Variants in HLA-DQB1 observed in about 807,000 individuals in gnomAD.
HLA-DQB1 encodes major histocompatibility complex, class II, DQ beta 1, also known as HLA class II histocompatibility antigen, DQ beta 1 chain.
A neutral mutation model predicts 26.4 loss-of-function variants in HLA-DQB1; 13 were observed. The ratio of observed to expected loss-of-function variants is 0.49; its 90% CI spans 0.32 to 0.78. The LOEUF is 0.78. Among genes scored for constraint, HLA-DQB1 ranks in the 30% least tolerant of loss-of-function variants. The pLI is 0.03. For missense variants in HLA-DQB1, 158 were observed against 326.2 expected (o/e 0.48, Z 3.97); for synonymous variants, 60 against 129.1 (o/e 0.46, Z 3.63).
intron 1 of HLA-DQB1, 29 bp downstream of exon 1, chr6:32,666,470 G>T (rs281860871): frequency 1.2e-6 from 1 of 814,682 alleles, no homozygotes; most frequent in Non-Finnish European, 2.0e-6. Context: ...CAGAGTGGCG[G>T]CTCTGGAGAG....
chr6:32,660,863 TG>T, intron 4 of HLA-DQB1: 1 of 1,512,206 alleles, frequency 6.6e-7, no homozygotes, highest in Non-Finnish European at 8.9e-7. Flanking sequence ...TATTACCTGC[TG>T]GTGGAGGCCC....
At position 32,660,772 on chromosome 6, in the gene HLA-DQB1, T is replaced by C. The variant is rs760653904; in HGVS notation, c.773-523A>G. The C allele has an allele frequency of 2.6e-5, 14 of 534,304 alleles. 3 individuals are homozygous for C. The highest frequency in any genetic ancestry group is 4.3e-5 in the Non-Finnish European group (14 of 323,910). 33.1% of individuals were successfully genotyped at this position (534,304 alleles called of 1,614,324 possible). ...CATAGCAGCAAATAGGCCATGAACA[T>C]GGACCACTGTGGTCAGGTACACTCA... On this transcript the variant is annotated intron_variant, in intron 4 of 4. Coordinates refer to ENST00000434651, the Ensembl canonical transcript of HLA-DQB1.
At position 32,664,855 on chromosome 6, in the gene HLA-DQB1, C is replaced by T. The variant is rs281862105; in HGVS notation, c.322G>A (p.Asp108Asn). Residue 108 changes from aspartate (D) to asparagine (N), a missense_variant, in exon 2 of 5, where the codon GAC becomes AAC. Asp to Asn is a conservative substitution (Grantham distance 23, BLOSUM62 1). Transcript: ENST00000434651. Reference sequence around the variant, plus strand: ...TCGTAGTTGTGTCTGCACACCGTGTCCAACTCCGCCCGGGTCCCCTCCAGG... The same window carrying T: ...TCGTAGTTGTGTCTGCACACCGTGTTCAACTCCGCCCGGGTCCCCTCCAGG... 3.5e-6 allele frequency: 4 copies of T among 1,140,710 alleles called. 1 individual carries two copies. Among genetic ancestry groups the T allele is most frequent in the Non-Finnish European group, 5.1e-6 (4 of 781,090 alleles). The allele number at this position is 1,140,710 out of a possible 1,614,324, so 70.7% of individuals were successfully genotyped here. A position where few individuals can be genotyped will look rare whatever the true frequency, so the allele number is the denominator to read the frequency against.
chr6:32,666,431 CA>C (rs200030215), intron 1 of HLA-DQB1, 67 bp downstream of exon 1: 109,421 of 570,846 alleles, frequency 0.19, 16,373 homozygotes, highest in East Asian at 0.47. Context: ...CACCATCCCC[CA>C]TACCCCAGCC....
Sources: gnomAD v4.1 joint callset for allele counts on GRCh38, gnomAD v4.1.1 for gene constraint, MANE v1.5 for transcripts, NCBI Gene and HGNC (gene_info 2026-07-23, HGNC 2026-07-21) for gene names.